CHD7: variants seen among roughly 807,000 people sequenced by gnomAD.
CHD7 encodes chromodomain helicase DNA binding protein 7, also known as ATP-dependent chromatin remodeler CHD7.
In CHD7, 24 loss-of-function variants were observed where a neutral mutation model predicts 307.3. The ratio of observed to expected loss-of-function variants is 0.08; its 90% CI spans 0.06 to 0.11. The LOEUF (loss-of-function observed/expected upper bound fraction) is 0.11, where lower values mean the gene tolerates loss of function less well. Ranked by LOEUF, CHD7 falls within the 10% of genes least tolerant of loss-of-function variation. CHD7 has a pLI of 1.00. For synonymous variants in CHD7, 1,363 were observed against 1,349.9 expected (o/e 1.01, Z -0.21); for missense variants, 3,106 against 3,727.1 (o/e 0.83, Z 4.34).
At chr8:60,699,679 T>C (rs912405771) in intron 1 of CHD7, among the ~76,000 whole-genome samples, 2 of 151,994 alleles carry the variant, frequency 1.3e-5, no homozygotes, top group Admixed American at 1.3e-4. Flanking sequence ...TTATAATAAA[T>C]AGGGCAAGAC....
In CHD7 at chr8:60,865,107, G is replaced by A. The variant is rs756347672; in HGVS notation, c.8168G>A (p.Ser2723Asn). The stretch of plus-strand genomic sequence containing the variant: ...AGCAGAAGAGGAAGAAGGCCCAAAA[G>A]TGAGATCGCCAGAGCAGCCGCGGCC... Reference protein sequence around the residue: ...GASRRGRRPKSEIARAAAAAA... With the variant: ...GASRRGRRPKNEIARAAAAAA... Residue 2723 changes from serine to asparagine, a missense_variant, in exon 38 of 38, where the codon AGT becomes AAT. This residue lies in a region of CHD7 where 351 missense variants were observed against 366.2 expected (regional missense o/e 0.96). Coordinates refer to ENST00000423902, the MANE Select transcript of CHD7 (RefSeq NM_017780.4). The surrounding 1 kb of genome is among the most constrained non-coding windows in gnomAD (Gnocchi z 4.3). 21 of 1,610,976 alleles carry A rather than the reference G, an allele frequency of 1.3e-5. No individual in the cohort carries two copies. Among genetic ancestry groups the A allele is most frequent in the Non-Finnish European group, 1.7e-6 (2 of 1,178,738 alleles).
At chr8:60,791,685 G>T (rs905480507) in intron 3 of CHD7, among the ~76,000 whole-genome samples, 1 of 152,200 alleles carries the variant, frequency 6.6e-6, no homozygotes, top group Non-Finnish European at 1.5e-5. Context: ...CCTGCATGTG[G>T]GGTGTGAGGG....
chr8:60,719,250 T>G (rs1242975472), intron 1 of CHD7, among the ~76,000 whole-genome samples: 1 of 152,212 alleles, frequency 6.6e-6, no homozygotes, highest in Non-Finnish European at 1.5e-5. Context: ...CAGACTTCCT[T>G]TTTTGATTCA....
chr8:60,750,500 G>C (rs1312090295), intron 2 of CHD7, among the ~76,000 whole-genome samples: 1 of 152,144 alleles, frequency 6.6e-6, no homozygotes, highest in Non-Finnish European at 1.5e-5. Context: ...TATATGATGG[G>C]AGCTACAAAT....
chr8:60,774,780 G>C (rs1290019635), intron 2 of CHD7, among the ~76,000 whole-genome samples: 13 of 152,212 alleles, frequency 8.5e-5, no homozygotes. Flanking sequence ...CAGACATTTA[G>C]AAAAGGGTTT....
At chr8:60,797,926 A>G (rs1358033754) in intron 4 of CHD7, among the ~76,000 whole-genome samples, 1 of 152,210 alleles carries the variant, frequency 6.6e-6, no homozygotes, top group Admixed American at 6.5e-5. Context: ...TGATGACTTT[A>G]GTCCTACTAA....
At chr8:60,838,396 T>C (rs1032254152) in intron 19 of CHD7, 141 bp downstream of exon 19, 11 of 751,702 alleles carry the variant, frequency 1.5e-5, no homozygotes, top group Non-Finnish European at 2.1e-5. Flanking sequence ...CCCTGGCACA[T>C]GAAGCTTTCT....
intron 2 of CHD7, among the ~76,000 whole-genome samples, chr8:60,749,542 G>C (rs1177237446): frequency 6.6e-6 from 1 of 152,058 alleles, no homozygotes; most frequent in African/African-American, 2.4e-5. Context: ...GATGTATCTT[G>C]TCAATACTAC....
intron 32 of CHD7, chr8:60,855,086 G>T (rs1805639609): frequency 6.6e-6 from 1 of 152,138 alleles, no homozygotes; most frequent in African/African-American, 2.4e-5. Flanking sequence ...GTTTTTCAGG[G>T]TGAGGAAATA....
Position 60,741,958 on chromosome 8 carries a change from G to A in CHD7, c.526G>A (p.Gly176Arg), listed in dbSNP as rs753733294. 6.2e-7 allele frequency: 1 copy of A among 1,613,690 alleles called. No individual in the cohort carries two copies. The highest frequency in any genetic ancestry group is 1.1e-5 in the South Asian group (1 of 91,074). ...QPQPPQPAPS[G>R]PPAQGHPQHM... is the part of the protein sequence containing the mutation. ...GCAGCCACCGCAGCCGGCTCCGTCGGGGCCCCCTGCACAGGGCCACCCTCA... is the reference window on the plus strand; with the variant it reads ...GCAGCCACCGCAGCCGGCTCCGTCGAGGCCCCCTGCACAGGGCCACCCTCA... The change falls in exon 2 of 38, where the codon GGG (glycine) becomes AGG (arginine). Residue 176 changes from glycine to arginine, a missense_variant. By Grantham distance (125) the Gly-to-Arg change is moderately radical (BLOSUM62 -2). Coordinates refer to ENST00000423902, the MANE Select transcript of CHD7 (RefSeq NM_017780.4).
At position 60,780,984 on chromosome 8, in the gene CHD7, T is replaced by C. The variant is rs1490631269; in HGVS notation, c.1666-16T>C. The C allele has an allele frequency of 1.3e-6, 2 of 1,520,572 alleles. No individual in the cohort carries two copies. The highest frequency in any genetic ancestry group is 1.8e-6 in the Non-Finnish European group (2 of 1,139,894). The allele number at this position is 1,520,572 out of a possible 1,614,324, so 94.2% of individuals were successfully genotyped here. A position where few individuals can be genotyped will look rare whatever the true frequency, so the allele number is the denominator to read the frequency against. ...AGAATGATAAACTAATTTCAATTCCTATTTGTGTCTCTCAGCATTCCCCGT... is the reference window on the plus strand; with the variant it reads ...AGAATGATAAACTAATTTCAATTCCCATTTGTGTCTCTCAGCATTCCCCGT... On this transcript the variant is annotated splice_polypyrimidine_tract_variant and intron_variant, in intron 2 of 37. Coordinates refer to ENST00000423902, the MANE Select transcript of CHD7 (RefSeq NM_017780.4).
At chr8:60,818,974 C>T (rs906767860) in intron 8 of CHD7, among the ~76,000 whole-genome samples, 11 of 152,100 alleles carry the variant, frequency 7.2e-5, no homozygotes, top group Non-Finnish European at 1.3e-4. Context: ...TTTTTTGAGA[C>T]GGAGTGTCGC....
At chr8:60,845,897 A>G (rs1464701450) in intron 23 of CHD7, among the ~76,000 whole-genome samples, 1 of 152,234 alleles carries the variant, frequency 6.6e-6, no homozygotes, top group East Asian at 1.9e-4. Context: ...GGCCCCTGGC[A>G]ATCACCATTC....
In CHD7 at chr8:60,838,264, C is replaced by T. The variant is rs1047944999; in HGVS notation, c.4533+9C>T. On this transcript the variant is annotated intron_variant, in intron 19 of 37. Coordinates refer to ENST00000423902, the MANE Select transcript of CHD7 (RefSeq NM_017780.4). The stretch of plus-strand genomic sequence containing the variant: ...GTTCCACATTTGCTAAGGTGTGAAT[C>T]GATCTAAAGAGGCCAGGTTTTCCAT... 20 of 1,595,836 alleles carry T rather than the reference C, an allele frequency of 1.3e-5. No individual in the cohort carries two copies. Among genetic ancestry groups the T allele is most frequent in the Middle Eastern group, 1.7e-4 (1 of 6,060 alleles).
At chr8:60,705,652 A>G (rs141729969) in intron 1 of CHD7, among the ~76,000 whole-genome samples, 1 of 152,366 alleles carries the variant, frequency 6.6e-6, no homozygotes. Context: ...AATCTTATTG[A>G]GTAAAAATGG....
chr8:60,698,870 T>C (rs553853818), intron 1 of CHD7, among the ~76,000 whole-genome samples: 21 of 152,314 alleles, frequency 1.4e-4, no homozygotes, highest in Admixed American at 1.0e-3. Flanking sequence ...CACTGCAACC[T>C]CTGCCTCCTG....
rs1489741574 is a variant in CHD7 at position 60,865,915 on chromosome 8, C to T, written c.8976C>T (p.Asn2992=). The T allele has an allele frequency of 1.2e-6, 2 of 1,603,954 alleles. No homozygotes were observed. The highest frequency in any genetic ancestry group is 1.7e-6 in the Non-Finnish European group (2 of 1,175,122). The change falls in exon 38 of 38, where the codon AAC becomes AAT. Residue 2992 remains asparagine (N), a synonymous_variant. Transcript: ENST00000423902. The surrounding 1 kb of genome is among the most constrained non-coding windows in gnomAD (Gnocchi z 4.3). ...TTGATGGGGGGGATGAAATAGAAAA[C>T]AATGAAAATGATGAATAACCAGTAC... ...DSLDGGDEIE[N]NENDE is the part of the protein sequence containing the mutation.
intron 15 of CHD7, among the ~76,000 whole-genome samples, chr8:60,833,125 C>G (rs904472603): frequency 1.3e-5 from 2 of 152,156 alleles, no homozygotes; most frequent in African/African-American, 2.4e-5. Context: ...ATATATCCAG[C>G]ATTTAAAAGG....
chr8:60,782,798 A>T (rs561899924), intron 3 of CHD7, among the ~76,000 whole-genome samples: 1 of 152,272 alleles, frequency 6.6e-6, no homozygotes, highest in Non-Finnish European at 1.5e-5. Flanking sequence ...AGAGTTAGGG[A>T]TGTAAGGATG....
Sources: allele counts gnomAD v4.1 joint callset (sites outside exome capture counted in the v4.1 genomes callset), GRCh38; gene constraint gnomAD v4.1.1; regional missense constraint gnomAD v4.1.1; non-coding constraint Gnocchi (gnomAD v3.1); transcripts MANE v1.5; gene names NCBI Gene and HGNC (gene_info 2026-07-23, HGNC 2026-07-21).